Variants in TAFA2 observed in about 807,000 individuals in gnomAD.
The protein encoded by TAFA2 is TAFA chemokine like family member 2, also known as chemokine-like protein TAFA-2.
A neutral mutation model predicts 18.8 loss-of-function variants in TAFA2; 7 were observed. The observed-to-expected ratio is 0.37, with a 90% CI of 0.21 to 0.70. The LOEUF is 0.70. TAFA2 is among the 30% of genes least tolerant of loss of function. TAFA2 has a pLI of 0.53. For synonymous variants in TAFA2, 60 were observed against 54.2 expected, an observed-to-expected ratio of 1.11 and a Z score of -0.47; for missense variants, 122 against 158.1, an observed-to-expected ratio of 0.77 and a Z score of 1.23.
chr12:61,930,777 G>T (rs1877523170), intron 1 of TAFA2, among the ~76,000 whole-genome samples: 1 of 152,178 alleles, frequency 6.6e-6, no homozygotes, highest in African/African-American at 2.4e-5. Flanking sequence ...ACATCACTCT[G>T]CATGAGGAAG....
chr12:62,199,594 G>GTA (rs527699166), intron 1 of TAFA2, among the ~76,000 whole-genome samples: 12,859 of 150,240 alleles, frequency 0.086, 664 homozygotes, highest in Middle Eastern at 0.18. Flanking sequence ...GTATGTGTGT[G>GTA]TATATATATA....
At chr12:61,898,866 G>A (rs1384383266) in intron 1 of TAFA2, among the ~76,000 whole-genome samples, 2 of 152,134 alleles carry the variant, frequency 1.3e-5, no homozygotes, top group African/African-American at 2.4e-5. Flanking sequence ...TACATCATCA[G>A]GCTGCAACTT....
chr12:61,911,662 A>G (rs1876618963), intron 1 of TAFA2, among the ~76,000 whole-genome samples: 1 of 152,164 alleles, frequency 6.6e-6, no homozygotes, highest in Admixed American at 6.6e-5. Context: ...AGCAAAAACA[A>G]AACCAGGTTT....
At chr12:61,771,871 A>T (rs958904094) in intron 2 of TAFA2, among the ~76,000 whole-genome samples, 4 of 150,906 alleles carry the variant, frequency 2.7e-5, no homozygotes. Flanking sequence ...AGAAAAAAAA[A>T]ATAACAAAGG....
chr12:61,877,070 A>T (rs143490241), intron 1 of TAFA2, among the ~76,000 whole-genome samples: 1 of 152,204 alleles, frequency 6.6e-6, no homozygotes, highest in Non-Finnish European at 1.5e-5. Flanking sequence ...AAAGTACCAT[A>T]CTCAGCTTTC....
chr12:62,133,124 A>G (rs1870756608), intron 1 of TAFA2, among the ~76,000 whole-genome samples: 1 of 151,944 alleles, frequency 6.6e-6, no homozygotes, highest in African/African-American at 2.4e-5. Flanking sequence ...CACCCCCAGC[A>G]TTGTCACAAC....
chr12:62,040,430 G>A (rs1282700405), intron 1 of TAFA2, among the ~76,000 whole-genome samples: 4 of 152,062 alleles, frequency 2.6e-5, no homozygotes, highest in Non-Finnish European at 5.9e-5. Flanking sequence ...ATTAGTATGA[G>A]CCCTAATCCA....
chr12:61,968,594 G>C (rs963610997), intron 1 of TAFA2, among the ~76,000 whole-genome samples: 2 of 151,640 alleles, frequency 1.3e-5, no homozygotes, highest in African/African-American at 4.8e-5. Context: ...TATATTTTCA[G>C]GGGTATTATG....
intron 2 of TAFA2, among the ~76,000 whole-genome samples, chr12:61,816,121 A>G (rs925673793): frequency 2.0e-5 from 3 of 151,430 alleles, no homozygotes; most frequent in African/African-American, 4.9e-5. Flanking sequence ...TTTCATACTC[A>G]GGTATTAAAC....
chr12:61,893,973 G>A (rs1316023840), intron 1 of TAFA2, among the ~76,000 whole-genome samples: 1 of 151,832 alleles, frequency 6.6e-6, no homozygotes, highest in African/African-American at 2.4e-5. Context: ...AACTGATACT[G>A]CTTTTAGAAC....
intron 1 of TAFA2, among the ~76,000 whole-genome samples, chr12:62,145,932 T>C (rs540645402): frequency 6.6e-4 from 100 of 152,346 alleles, no homozygotes; most frequent in African/African-American, 2.3e-3. Context: ...GGAAGGCAGC[T>C]TAAGCACAAC....
intron 4 of TAFA2, among the ~76,000 whole-genome samples, chr12:61,738,608 TG>T (rs1163373435): frequency 1.3e-5 from 2 of 152,090 alleles, no homozygotes; most frequent in Non-Finnish European, 2.9e-5. Flanking sequence ...CAGCATATCC[TG>T]GGTAGAGCAC....
intron 1 of TAFA2, among the ~76,000 whole-genome samples, chr12:62,176,896 A>C (rs2062517914): frequency 6.6e-6 from 1 of 152,128 alleles, no homozygotes; most frequent in Admixed American, 6.5e-5. Context: ...GTGGTTAAAA[A>C]CTCAGCTCTG....
chr12:62,019,774 C>T (rs1362953893), intron 1 of TAFA2, among the ~76,000 whole-genome samples: 1 of 151,698 alleles, frequency 6.6e-6, no homozygotes, highest in African/African-American at 2.4e-5. Flanking sequence ...ACATATGTAA[C>T]AAACCTGCAC....
chr12:62,002,154 T>C (rs1404347077), intron 1 of TAFA2, among the ~76,000 whole-genome samples: 2 of 152,204 alleles, frequency 1.3e-5, no homozygotes, highest in East Asian at 3.9e-4. Flanking sequence ...TAGTGGCTTA[T>C]GTTTCACTGC....
chr12:62,057,845 G>A (rs557802282), intron 1 of TAFA2, among the ~76,000 whole-genome samples: 4 of 152,172 alleles, frequency 2.6e-5, no homozygotes, highest in South Asian at 4.2e-4. Flanking sequence ...CATGTGGTGG[G>A]TATCAGTTCA....
At chr12:62,161,565 G>C (rs986906625) in intron 1 of TAFA2, among the ~76,000 whole-genome samples, 13 of 152,098 alleles carry the variant, frequency 8.5e-5, no homozygotes, top group Admixed American at 6.6e-4. Flanking sequence ...AGGGCAGGAG[G>C]GGGTGATGCT....
intron 2 of TAFA2, among the ~76,000 whole-genome samples, chr12:61,779,849 T>C (rs1870428490): frequency 6.6e-6 from 1 of 151,786 alleles, no homozygotes; most frequent in South Asian, 2.1e-4. Flanking sequence ...TTGCTGAATC[T>C]ATGGTGTCTT....
At chr12:62,002,890 A>C (rs2136702732) in intron 1 of TAFA2, among the ~76,000 whole-genome samples, 2 of 152,188 alleles carry the variant, frequency 1.3e-5, no homozygotes, top group Middle Eastern at 6.8e-3. Flanking sequence ...CCAGTACATC[A>C]ATTCACTCTA....
Sources: gnomAD v4.1 joint callset for allele counts (sites outside exome capture counted in the v4.1 genomes callset) on GRCh38, gnomAD v4.1.1 for gene constraint, MANE v1.5 for transcripts, NCBI Gene and HGNC (gene_info 2026-07-23, HGNC 2026-07-21) for gene names.